Variants in OPCML observed in about 807,000 individuals in gnomAD.
OPCML encodes the protein opioid binding protein/cell adhesion molecule like.
OPCML carries 13 observed loss-of-function variants against 37.8 expected under a neutral mutation model. The ratio of observed to expected loss-of-function variants is 0.34; its 90% CI spans 0.22 to 0.55. The LOEUF is 0.55. Among genes scored for constraint, OPCML ranks in the 20% least tolerant of loss-of-function variants. The probability of loss-of-function intolerance (pLI) is 0.91; values close to 1 mark genes in which losing one functional copy is unlikely to be tolerated. For missense variants in OPCML, 341 were observed against 435.6 expected, an observed-to-expected ratio of 0.78 and a Z score of 1.93; for synonymous variants, 176 against 168.8, an observed-to-expected ratio of 1.04 and a Z score of -0.33.
intron 1 of OPCML, among the ~76,000 whole-genome samples, chr11:133,356,633 A>C (rs1944297542): frequency 6.6e-6 from 1 of 152,162 alleles, no homozygotes; most frequent in Non-Finnish European, 1.5e-5. Context: ...TTTAGACTTG[A>C]GAAAACCCAT....
intron 3 of OPCML, among the ~76,000 whole-genome samples, chr11:132,557,763 T>C (rs1189485642): frequency 2.6e-5 from 4 of 152,306 alleles, no homozygotes; most frequent in South Asian, 2.1e-4. Context: ...AGTTGCACTA[T>C]CTGCATGAGA....
At chr11:132,465,803 T>C (rs2096117856) in intron 4 of OPCML, among the ~76,000 whole-genome samples, 1 of 152,224 alleles carries the variant, frequency 6.6e-6, no homozygotes, top group Non-Finnish European at 1.5e-5. Flanking sequence ...TAATGCTTTT[T>C]CATTTTTATG....
chr11:132,801,178 A>T (rs79909956), intron 2 of OPCML, among the ~76,000 whole-genome samples: 1,595 of 152,292 alleles, frequency 0.01, 28 homozygotes, highest in African/African-American at 0.037. Context: ...TTGTAGGCAT[A>T]CAGTTATTCA....
At chr11:133,028,947 AT>A (rs1947616209) in intron 1 of OPCML, among the ~76,000 whole-genome samples, 1 of 152,154 alleles carries the variant, frequency 6.6e-6, no homozygotes, top group Admixed American at 6.5e-5. Flanking sequence ...ATGGGAAAAA[AT>A]ATTTGCAAAC....
intron 1 of OPCML, among the ~76,000 whole-genome samples, chr11:133,383,950 C>G (rs1944984680): frequency 6.6e-6 from 1 of 152,032 alleles, no homozygotes; most frequent in African/African-American, 2.4e-5. Flanking sequence ...CACCAAGGTA[C>G]ACGGACTCCT....
At chr11:133,166,758 C>T (rs1950214073) in intron 1 of OPCML, among the ~76,000 whole-genome samples, 2 of 152,152 alleles carry the variant, frequency 1.3e-5, no homozygotes, top group African/African-American at 2.4e-5. Context: ...GGTTACTAAG[C>T]CCAGGATAAT....
At chr11:132,500,095 AAC>A in intron 4 of OPCML, among the ~76,000 whole-genome samples, 1 of 152,200 alleles carries the variant, frequency 6.6e-6, no homozygotes, top group Non-Finnish European at 1.5e-5. Context: ...AAGTAAGTCT[AAC>A]AGTGTGAAAA....
intron 2 of OPCML, among the ~76,000 whole-genome samples, chr11:132,833,106 T>C (rs370996685): frequency 2.0e-5 from 3 of 151,960 alleles, no homozygotes; most frequent in Admixed American, 2.0e-4. Context: ...CTTTCTTCAA[T>C]AATAAACTAA....
rs553702523 is a variant in OPCML, at chr11:132,906,057, TA to T, written c.146+36868del. On this transcript the variant is annotated intron_variant, in intron 2 of 7. Transcript: ENST00000524381. The stretch of plus-strand genomic sequence containing the variant: ...TGGAAGGGTTTTTTGAAATGCAGCC[TA>T]AAATGTGACTTTTATACACCATGGT... Among the ~76,000 whole-genome samples, 5 of 152,326 alleles carry T rather than the reference TA, an allele frequency of 3.3e-5. No homozygotes were observed. In the South Asian group the frequency reaches 1.0e-3, roughly 32 times the overall value.
chr11:133,022,623 C>A (rs1387488878), intron 1 of OPCML, among the ~76,000 whole-genome samples: 1 of 151,940 alleles, frequency 6.6e-6, no homozygotes, highest in Non-Finnish European at 1.5e-5. Context: ...TGCCACCCAA[C>A]CAAGGTGGAA....
chr11:132,729,843 G>A (rs1440454418), intron 2 of OPCML, among the ~76,000 whole-genome samples: 1 of 152,094 alleles, frequency 6.6e-6, no homozygotes, highest in Non-Finnish European at 1.5e-5. Context: ...ACATGAAGGG[G>A]ATGAGCAGGA....
intron 2 of OPCML, among the ~76,000 whole-genome samples, chr11:132,734,751 C>A (rs1041694206): frequency 6.6e-6 from 1 of 152,098 alleles, no homozygotes; most frequent in African/African-American, 2.4e-5. Flanking sequence ...AGAGGTGTTG[C>A]CGACTGTAAA....
chr11:133,351,456 T>C (rs1194423089), intron 1 of OPCML, among the ~76,000 whole-genome samples: 1 of 152,154 alleles, frequency 6.6e-6, no homozygotes, highest in Non-Finnish European at 1.5e-5. Context: ...CATACTTGCC[T>C]CTCCACGCTT....
At chr11:132,683,199 G>A (rs1943026880) in intron 2 of OPCML, among the ~76,000 whole-genome samples, 1 of 152,144 alleles carries the variant, frequency 6.6e-6, no homozygotes, top group South Asian at 2.1e-4. Flanking sequence ...AAGAGTTGGA[G>A]ACCAGCCTGA....
intron 4 of OPCML, among the ~76,000 whole-genome samples, chr11:132,489,820 G>T (rs1305897563): frequency 2.0e-5 from 3 of 152,030 alleles, no homozygotes; most frequent in African/African-American, 7.2e-5. Flanking sequence ...AGGTATTTCT[G>T]CTCATGCTAT....
chr11:132,826,375 C>T (rs1940335745), intron 2 of OPCML, among the ~76,000 whole-genome samples: 1 of 152,184 alleles, frequency 6.6e-6, no homozygotes, highest in Admixed American at 6.5e-5. Flanking sequence ...TTCTTATCTT[C>T]TGAACTCTTA....
intron 3 of OPCML, among the ~76,000 whole-genome samples, chr11:132,588,063 A>G (rs2096476870): frequency 6.6e-6 from 1 of 152,124 alleles, no homozygotes; most frequent in Non-Finnish European, 1.5e-5. Flanking sequence ...GGCCACTTAA[A>G]GCTCCTCATG....
chr11:132,771,413 A>G (rs1320061312), intron 2 of OPCML, among the ~76,000 whole-genome samples: 3 of 152,344 alleles, frequency 2.0e-5, no homozygotes, highest in Middle Eastern at 3.4e-3. Flanking sequence ...TTAGCCGATT[A>G]TTCAGCAGAG....
At chr11:133,140,047 C>A (rs191334343) in intron 1 of OPCML, among the ~76,000 whole-genome samples, 396 of 151,072 alleles carry the variant, frequency 2.6e-3, no homozygotes, top group African/African-American at 9.1e-3. Flanking sequence ...ATTTGCTAGG[C>A]GTAGTGGCGC....
Sources: allele counts gnomAD v4.1 joint callset (sites outside exome capture counted in the v4.1 genomes callset), GRCh38; gene constraint gnomAD v4.1.1; transcripts MANE v1.5; gene names NCBI Gene and HGNC (gene_info 2026-07-23, HGNC 2026-07-21).